The following PARVA variants were observed in gnomAD, a reference collection of about 807,000 sequenced individuals.
PARVA encodes the protein parvin alpha.
PARVA carries 25 observed loss-of-function variants against 52.6 expected under a neutral mutation model. That is an observed-to-expected ratio of 0.48 (90% CI 0.35 to 0.66). The LOEUF is 0.66. Among genes scored for constraint, PARVA ranks in the 30% least tolerant of loss-of-function variants. The probability of loss-of-function intolerance (pLI) is 0.01; values close to 1 mark genes in which losing one functional copy is unlikely to be tolerated. For synonymous variants in PARVA, 185 were observed against 179.1 expected (o/e 1.03, Z -0.26); for missense variants, 373 against 450.9 (o/e 0.83, Z 1.56).
Position 12,517,014 on chromosome 11 carries a change from T to C in PARVA, c.868-596T>C, listed in dbSNP as rs138572892. On this transcript the variant is annotated intron_variant, in intron 10 of 12. Transcript: ENST00000334956. Reference sequence around the variant, plus strand: ...GCCCAGCCCTGTGTGACACTAGTCCTTTCTCTGTTCAGAAAGCACAGATCT... The same window carrying C: ...GCCCAGCCCTGTGTGACACTAGTCCCTTCTCTGTTCAGAAAGCACAGATCT... 9.9e-5 allele frequency among the ~76,000 whole-genome samples: 15 copies of C among 152,180 alleles called. No individual in the cohort carries two copies. The East Asian group carries it at 2.9e-3, about 30-fold the overall frequency.
chr11:12,472,819 AAAGC>A (rs1203582947), intron 1 of PARVA, among the ~76,000 whole-genome samples: 11 of 152,302 alleles, frequency 7.2e-5, no homozygotes, highest in Admixed American at 6.5e-4. Context: ...TAATTGGCAA[AAAGC>A]AAGGGGATTT....
chr11:12,433,195 ACTTTCCCGGAAT>A (rs1322629818), intron 1 of PARVA, among the ~76,000 whole-genome samples: 1 of 152,134 alleles, frequency 6.6e-6, no homozygotes, highest in Non-Finnish European at 1.5e-5. Flanking sequence ...CCCAGCTGAA[ACTTTCCCGGAAT>A]CTTTTATCAT....
In PARVA at chr11:12,511,283, G is replaced by A. The variant is rs774138316; in HGVS notation, c.717-231G>A. 3.9e-5 allele frequency among the ~76,000 whole-genome samples: 6 copies of A among 152,290 alleles called. No homozygotes were observed. The South Asian group carries it at 1.2e-3, about 32-fold the overall frequency. On this transcript the variant is annotated intron_variant, in intron 7 of 12. Transcript: ENST00000334956. ...GGCTTTGCATTACACCACTATATGG[G>A]TGTAACTGGGGGGAAAATGGGTGGT...
chr11:12,417,208 G>C (rs543246466), intron 1 of PARVA, among the ~76,000 whole-genome samples: 2 of 152,132 alleles, frequency 1.3e-5, no homozygotes, highest in African/African-American at 4.8e-5. Context: ...AGTTGGACGA[G>C]GTTGTAAATC....
chr11:12,517,973 C>T (rs966004761), intron 11 of PARVA, among the ~76,000 whole-genome samples: 1 of 152,162 alleles, frequency 6.6e-6, no homozygotes, highest in African/African-American at 2.4e-5. Flanking sequence ...TGCCCCAGCC[C>T]AGCCTCCTCT....
chr11:12,377,832 G>A (rs764641351), intron 1 of PARVA, 49 bp downstream of exon 1: 5 of 1,413,720 alleles, frequency 3.5e-6, no homozygotes, highest in Admixed American at 3.1e-5. Flanking sequence ...CGGGGGTGCC[G>A]TAGGGGCCGA....
chr11:12,418,609 T>A (rs1940103671), intron 1 of PARVA, among the ~76,000 whole-genome samples: 1 of 152,126 alleles, frequency 6.6e-6, no homozygotes, highest in South Asian at 2.1e-4. Context: ...ACTGCTTGAT[T>A]CTCTATCAGG....
At chr11:12,522,658 A>G (rs1211981483) in intron 12 of PARVA, among the ~76,000 whole-genome samples, 1 of 151,976 alleles carries the variant, frequency 6.6e-6, no homozygotes, top group African/African-American at 2.4e-5. Context: ...ATCTCAGGTG[A>G]TCCGCCTGCC....
At chr11:12,473,242 T>C (rs555826894) in intron 1 of PARVA, among the ~76,000 whole-genome samples, 1 of 152,022 alleles carries the variant, frequency 6.6e-6, no homozygotes, top group South Asian at 2.1e-4. Context: ...AGGCAGATAA[T>C]CAGGAGAGTA....
chr11:12,485,571 A>G (rs1267832478), intron 4 of PARVA, among the ~76,000 whole-genome samples: 1 of 152,240 alleles, frequency 6.6e-6, no homozygotes, highest in East Asian at 1.9e-4. Context: ...AAAATTAATA[A>G]TAGCAGTATT....
At chr11:12,441,722 G>T (rs1042962442) in intron 1 of PARVA, among the ~76,000 whole-genome samples, 1 of 152,140 alleles carries the variant, frequency 6.6e-6, no homozygotes, top group South Asian at 2.1e-4. Context: ...TCAGAGAGAG[G>T]TCACCAACCA....
At chr11:12,420,770 G>C (rs542049104) in intron 1 of PARVA, among the ~76,000 whole-genome samples, 2 of 152,136 alleles carry the variant, frequency 1.3e-5, no homozygotes, top group Non-Finnish European at 2.9e-5. Flanking sequence ...GGCAAGAACC[G>C]TCATTATTCT....
At chr11:12,407,925 C>T (rs1268875498) in intron 1 of PARVA, among the ~76,000 whole-genome samples, 1 of 152,212 alleles carries the variant, frequency 6.6e-6, no homozygotes, top group African/African-American at 2.4e-5. Flanking sequence ...ACACAGGCTT[C>T]TCTGTTGTTC....
At chr11:12,379,259 C>T (rs992384257) in intron 1 of PARVA, among the ~76,000 whole-genome samples, 2 of 152,030 alleles carry the variant, frequency 1.3e-5, no homozygotes, top group African/African-American at 4.8e-5. Context: ...GTGCCCACAT[C>T]CTATCTCATC....
intron 10 of PARVA, among the ~76,000 whole-genome samples, chr11:12,515,810 AG>A (rs1941560528): frequency 6.6e-6 from 1 of 152,122 alleles, no homozygotes; most frequent in African/African-American, 2.4e-5. Context: ...CCTGAGTTGC[AG>A]GCCTGATGGA....
chr11:12,478,115 C>T, intron 4 of PARVA, 166 bp downstream of exon 4: 1 of 699,816 alleles, frequency 1.4e-6, no homozygotes, highest in Non-Finnish European at 2.6e-6. Flanking sequence ...TAGATGTCCT[C>T]TTGGAATGTT....
intron 1 of PARVA, among the ~76,000 whole-genome samples, chr11:12,389,168 T>C (rs1444309427): frequency 1.3e-5 from 2 of 152,150 alleles, no homozygotes; most frequent in Admixed American, 1.3e-4. Context: ...GGATGATGGG[T>C]CAGGGAGAGG....
At chr11:12,526,621 C>G (rs1344414664) in intron 12 of PARVA, among the ~76,000 whole-genome samples, 1 of 152,192 alleles carries the variant, frequency 6.6e-6, no homozygotes, top group East Asian at 1.9e-4. Context: ...TTCAACTTGC[C>G]CTGCATCCTT....
At chr11:12,458,476 A>G (rs1940728171) in intron 1 of PARVA, among the ~76,000 whole-genome samples, 1 of 152,234 alleles carries the variant, frequency 6.6e-6, no homozygotes, top group African/African-American at 2.4e-5. Context: ...CTAGTGTCAT[A>G]TATGAGGAAC....
Sources: allele counts gnomAD v4.1 joint callset (sites outside exome capture counted in the v4.1 genomes callset), GRCh38; gene constraint gnomAD v4.1.1; transcripts MANE v1.5; gene names NCBI Gene and HGNC (gene_info 2026-07-23, HGNC 2026-07-21).